The following DNAH5 variants were observed in gnomAD, a reference collection of about 807,000 sequenced individuals.
DNAH5 encodes axonemal beta dynein heavy chain 5.
A neutral mutation model predicts 518.2 loss-of-function variants in DNAH5; 372 were observed. The observed-to-expected ratio is 0.72, with a 90% CI of 0.66 to 0.78. DNAH5 has a LOEUF of 0.78. DNAH5 is among the 30% of genes least tolerant of loss of function. The pLI, the probability that DNAH5 is intolerant of heterozygous loss-of-function variation, is 0.00. For missense variants in DNAH5, 5,523 were observed against 5,687.0 expected (o/e 0.97, Z 0.93); for synonymous variants, 2,039 against 2,025.9 (o/e 1.01, Z -0.17).
At chr5:13,930,218 A>G (rs1166984141) in intron 2 of DNAH5, among the ~76,000 whole-genome samples, 1 of 152,200 alleles carries the variant, frequency 6.6e-6, no homozygotes, top group Non-Finnish European at 1.5e-5. Flanking sequence ...TGTGCCACAG[A>G]TGGCTCGTAC....
chr5:13,902,452 C>T (rs1225627026), intron 12 of DNAH5, among the ~76,000 whole-genome samples: 1 of 152,152 alleles, frequency 6.6e-6, no homozygotes, highest in African/African-American at 2.4e-5. Context: ...ACATTCTCAA[C>T]AGAGCCTGTG....
At position 13,729,048 on chromosome 5, in the gene DNAH5, A is replaced by G. The variant is rs1047428113; in HGVS notation, c.11883+391T>C. ...AGAGAAACAAGAGGCAAGAAAGGAAATTTAGCATTTAGAGGCAAGCTGTTC... is the reference window on the plus strand; with the variant it reads ...AGAGAAACAAGAGGCAAGAAAGGAAGTTTAGCATTTAGAGGCAAGCTGTTC... On this transcript the variant is annotated intron_variant, in intron 69 of 78. Coordinates refer to ENST00000265104, the MANE Select transcript of DNAH5 (RefSeq NM_001369.3). 4.6e-5 allele frequency among the ~76,000 whole-genome samples: 7 copies of G among 152,210 alleles called. No homozygotes were observed. The East Asian group carries it at 1.3e-3, about 29-fold the overall frequency.
chr5:13,926,650 T>G (rs1218278050), intron 3 of DNAH5, among the ~76,000 whole-genome samples: 1 of 151,924 alleles, frequency 6.6e-6, no homozygotes, highest in Admixed American at 6.6e-5. Flanking sequence ...TCTAAGAACA[T>G]CCAGGAAAGT....
chr5:13,985,509 C>A (rs573353693), intron 1 of DNAH5, among the ~76,000 whole-genome samples: 19 of 149,222 alleles, frequency 1.3e-4, no homozygotes, highest in South Asian at 2.1e-4. Context: ...CAGAAAGATG[C>A]AGCCATGACT....
At chr5:13,895,532 A>G (rs1414463355) in intron 15 of DNAH5, among the ~76,000 whole-genome samples, 2 of 152,162 alleles carry the variant, frequency 1.3e-5, no homozygotes, top group Non-Finnish European at 2.9e-5. Flanking sequence ...CTTGTAGACT[A>G]CACCCATCAC....
rs35337694 is a variant in DNAH5, at chr5:13,841,918, CAAAAAAAAA to C, written c.5272-23_5272-15del. On this transcript the variant is annotated splice_polypyrimidine_tract_variant and intron_variant, in intron 32 of 78. Coordinates refer to ENST00000265104, the MANE Select transcript of DNAH5 (RefSeq NM_001369.3). The stretch of plus-strand genomic sequence containing the variant: ...TCGATCATAGATCTATGTTAGAAAC[CAAAAAAAAA>C]AAAAAAAAAAGCTATAGTCATATAA... 5.1e-6 allele frequency: 3 copies of C among 592,652 alleles called. No homozygotes were observed. Among genetic ancestry groups the C allele is most frequent in the African/African-American group, 4.9e-5 (2 of 40,704 alleles). 36.7% of individuals were successfully genotyped at this position (592,652 alleles called of 1,614,324 possible).
intron 44 of DNAH5, 56 bp from the exon 45 acceptor site, chr5:13,810,316 T>G (rs1760449851): frequency 1.4e-6 from 2 of 1,471,760 alleles, no homozygotes; most frequent in Non-Finnish European, 9.3e-7. Flanking sequence ...CAAACGTTGC[T>G]CTAGGGTTTC....
At chr5:13,814,907 T>A in intron 42 of DNAH5, 61 bp from the exon 43 acceptor site, 2 of 1,521,846 alleles carry the variant, frequency 1.3e-6, no homozygotes, top group Non-Finnish European at 1.8e-6. Context: ...CATGTACACA[T>A]AAGTTTAAAA....
chr5:13,918,710 C>T (rs1344188738), intron 7 of DNAH5, among the ~76,000 whole-genome samples: 2 of 152,158 alleles, frequency 1.3e-5, no homozygotes, highest in East Asian at 3.9e-4. Context: ...CCTTGTGATC[C>T]ACCTGCCTCG....
chr5:13,845,091 G>C, intron 31 of DNAH5, 98 bp from the exon 32 acceptor site: 1 of 1,146,668 alleles, frequency 8.7e-7, no homozygotes, highest in Non-Finnish European at 1.3e-6. Flanking sequence ...AAGATTGTGT[G>C]ACTTGTGACA....
Position 13,957,692 on chromosome 5 carries a change from T to C in DNAH5, c.13-26448A>G, listed in dbSNP as rs969543174. 2.6e-5 allele frequency among the ~76,000 whole-genome samples: 4 copies of C among 152,040 alleles called. No individual in the cohort carries two copies. The East Asian group carries it at 5.8e-4, about 22-fold the overall frequency. ...AAATATATCCATATAGTAATCCCAATATTGATAGTTACATAGTGAACTCTT... is the reference window on the plus strand; with the variant it reads ...AAATATATCCATATAGTAATCCCAACATTGATAGTTACATAGTGAACTCTT... On this transcript the variant is annotated intron_variant, in intron 1 of 78. Coordinates refer to the DNAH5 transcript ENST00000681290.
chr5:13,866,689 G>A (rs551916344), intron 25 of DNAH5, among the ~76,000 whole-genome samples: 3 of 152,068 alleles, frequency 2.0e-5, no homozygotes, highest in Non-Finnish European at 4.4e-5. Flanking sequence ...ATTCCAATCA[G>A]ATTTTCCAAC....
intron 1 of DNAH5, among the ~76,000 whole-genome samples, chr5:13,998,712 ATTCT>A (rs1784135382): frequency 6.6e-6 from 1 of 152,232 alleles, no homozygotes; most frequent in South Asian, 2.1e-4. Context: ...TGCCTAGCAT[ATTCT>A]TTCTGAGAGG....
At chr5:13,866,602 G>A (rs1030677256) in intron 25 of DNAH5, among the ~76,000 whole-genome samples, 2 of 152,156 alleles carry the variant, frequency 1.3e-5, no homozygotes, top group African/African-American at 4.8e-5. Flanking sequence ...CTGCTTTTCA[G>A]CTAAATGCTA....
intron 12 of DNAH5, among the ~76,000 whole-genome samples, chr5:13,909,561 G>C (rs189569136): frequency 1.8e-4 from 27 of 152,014 alleles, no homozygotes; most frequent in Non-Finnish European, 3.2e-4. Flanking sequence ...AGGTTCACAT[G>C]ATCAGATTCT....
intron 78 of DNAH5, among the ~76,000 whole-genome samples, chr5:13,695,309 T>C (rs574863206): frequency 1.3e-5 from 2 of 152,252 alleles, no homozygotes; most frequent in African/African-American, 4.8e-5. Flanking sequence ...GCCTGTAGCA[T>C]GATGGAGGGA....
At chr5:13,751,340 G>A (rs541249999) in intron 64 of DNAH5, 80 bp from the exon 65 acceptor site, 1 of 1,305,892 alleles carries the variant, frequency 7.7e-7, no homozygotes, top group South Asian at 1.3e-5. Context: ...ATCAAGTATT[G>A]TTTTAAATAA....
intron 1 of DNAH5, among the ~76,000 whole-genome samples, chr5:13,968,974 T>A (rs1037266205): frequency 1.3e-5 from 2 of 152,184 alleles, no homozygotes; most frequent in African/African-American, 4.8e-5. Flanking sequence ...GCAATTTTTT[T>A]ATTACCATTT....
chr5:14,008,809 C>T (rs1012175607), intron 1 of DNAH5, among the ~76,000 whole-genome samples: 4 of 152,228 alleles, frequency 2.6e-5, no homozygotes, highest in African/African-American at 9.6e-5. Flanking sequence ...GCCCAGGTAT[C>T]TGTAATACCA....
Sources: allele counts gnomAD v4.1 joint callset (sites outside exome capture counted in the v4.1 genomes callset), GRCh38; gene constraint gnomAD v4.1.1; transcripts MANE v1.5; gene names NCBI Gene and HGNC (gene_info 2026-07-23, HGNC 2026-07-21).